The following L3MBTL4 variants were observed in gnomAD, a reference collection of about 807,000 sequenced individuals.
L3MBTL4 encodes the protein L3MBTL histone methyl-lysine binding protein 4.
Under a neutral mutation model 84.5 loss-of-function variants are expected in L3MBTL4, and 70 were observed. The observed-to-expected ratio is 0.83, with a 90% CI of 0.68 to 1.01. The LOEUF (loss-of-function observed/expected upper bound fraction) is 1.01, where lower values mean the gene tolerates loss of function less well. Among genes scored for constraint, L3MBTL4 ranks in the 50% least tolerant of loss-of-function variants. The probability of loss-of-function intolerance (pLI) is 0.00; values close to 1 mark genes in which losing one functional copy is unlikely to be tolerated. For synonymous variants in L3MBTL4, 274 were observed against 259.8 expected, an observed-to-expected ratio of 1.05 and a Z score of -0.52; for missense variants, 715 against 754.8, an observed-to-expected ratio of 0.95 and a Z score of 0.62.
chr18:6,115,554 C>A (rs2059331137), intron 14 of L3MBTL4, among the ~76,000 whole-genome samples: 2 of 152,296 alleles, frequency 1.3e-5, no homozygotes, highest in South Asian at 4.2e-4. Flanking sequence ...CCAGCAACTA[C>A]CTACAAGGCG....
chr18:6,208,116 A>AAAAT (rs71163265), intron 12 of L3MBTL4, among the ~76,000 whole-genome samples: 35,245 of 144,342 alleles, frequency 0.24, 4,528 homozygotes, highest in Middle Eastern at 0.34. Context: ...CCCTGTCTAA[A>AAAAT]AAATAAATAA....
chr18:6,271,504 C>G (rs928136181), intron 4 of L3MBTL4, among the ~76,000 whole-genome samples: 4 of 152,020 alleles, frequency 2.6e-5, no homozygotes, highest in Non-Finnish European at 5.9e-5. Context: ...CAGGCAGGGC[C>G]GAAAAGGTGG....
At chr18:6,404,868 TG>T (rs1466259726) in intron 1 of L3MBTL4, among the ~76,000 whole-genome samples, 33 of 151,304 alleles carry the variant, frequency 2.2e-4, no homozygotes, top group Non-Finnish European at 3.8e-4. Context: ...TTTTTTTTTT[TG>T]AAGAGACGAA....
At chr18:6,279,804 A>C (rs552903150) in intron 4 of L3MBTL4, among the ~76,000 whole-genome samples, 1 of 152,294 alleles carries the variant, frequency 6.6e-6, no homozygotes, top group East Asian at 1.9e-4. Flanking sequence ...TCACTTCATA[A>C]AGTACTTAAC....
intron 12 of L3MBTL4, among the ~76,000 whole-genome samples, chr18:6,209,674 T>A (rs375288392): frequency 9.9e-5 from 15 of 152,200 alleles, no homozygotes; most frequent in East Asian, 9.6e-4. Flanking sequence ...AAAACATACG[T>A]CCACACAAAA....
At chr18:6,126,636 GA>G (rs59160936) in intron 14 of L3MBTL4, among the ~76,000 whole-genome samples, 48,430 of 151,152 alleles carry the variant, frequency 0.32, 8,311 homozygotes, top group East Asian at 0.52. Context: ...AAAGAATTTA[GA>G]AAAAAAAATC....
intron 12 of L3MBTL4, among the ~76,000 whole-genome samples, chr18:6,205,902 T>C (rs111443411): frequency 0.017 from 2,521 of 152,294 alleles, 75 homozygotes; most frequent in African/African-American, 0.057. Flanking sequence ...TCAGAAATAG[T>C]ACACTTCTGT....
rs571252311 is a variant in L3MBTL4, at chr18:6,050,704, G to T, written c.1444+30177C>A. Among the ~76,000 whole-genome samples, 59 of 152,062 alleles carry T rather than the reference G, an allele frequency of 3.9e-4. 1 individual carries two copies. Among genetic ancestry groups the T allele is most frequent in the Non-Finnish European group, 1.8e-4 (12 of 68,014 alleles). On this transcript the variant is annotated intron_variant, in intron 16 of 18. Coordinates refer to ENST00000317931, the MANE Select transcript of L3MBTL4 (RefSeq NM_001330559.2). The stretch of plus-strand genomic sequence containing the variant: ...AAGTGTATGACTTCCGTTTTTTAAT[G>T]AAATTTTTTCTCTTCTTCTCTTAGG...
rs554157604 is a variant in L3MBTL4 at position 6,201,506 on chromosome 18, G to T, written c.981+11643C>A. ...CTTAGGGCTGTCTTGGACATTTGTA[G>T]AGAAAAATTTGAAGGCAAATCTCTC... On this transcript the variant is annotated intron_variant, in intron 12 of 18. Transcript: ENST00000317931. Among the ~76,000 whole-genome samples, 3 of 152,280 alleles carry T rather than the reference G, an allele frequency of 2.0e-5. No individual in the cohort carries two copies. In the East Asian group the frequency reaches 5.8e-4, roughly 29 times the overall value.
chr18:6,412,254 C>T (rs1469659117), intron 1 of L3MBTL4, among the ~76,000 whole-genome samples: 2 of 152,096 alleles, frequency 1.3e-5, no homozygotes, highest in South Asian at 2.1e-4. Flanking sequence ...TTTCTCAATC[C>T]AGTGTTGTAT....
intron 13 of L3MBTL4, among the ~76,000 whole-genome samples, chr18:6,168,888 G>C (rs1473328097): frequency 6.6e-6 from 1 of 152,080 alleles, no homozygotes; most frequent in Admixed American, 6.5e-5. Flanking sequence ...AGAGTGAACA[G>C]GCAACCTACA....
chr18:6,137,587 T>C (rs2060061824), intron 14 of L3MBTL4, among the ~76,000 whole-genome samples: 1 of 147,226 alleles, frequency 6.8e-6, no homozygotes. Flanking sequence ...AATTTATATA[T>C]GTTTCTAGAT....
At position 6,078,435 on chromosome 18, in the gene L3MBTL4, AAAAC is replaced by A. The variant is rs1312140371; in HGVS notation, c.1444+2442_1444+2445del. Among the ~76,000 whole-genome samples the A allele has an allele frequency of 3.4e-4, 51 of 148,560 alleles. 11 individuals are homozygous for A. Among genetic ancestry groups the A allele is most frequent in the Non-Finnish European group, 4.9e-4 (33 of 67,376 alleles). ...GAGGGAGAGTCCACCTCAAAAAAAA[AAAAC>A]AAAAAAAAAAAAAAAAGGGGAAAAA... On this transcript the variant is annotated intron_variant, in intron 16 of 18. Coordinates refer to ENST00000317931, the MANE Select transcript of L3MBTL4 (RefSeq NM_001330559.2).
At position 5,968,129 on chromosome 18, in the gene L3MBTL4, G is replaced by A. The variant is rs7235414; in HGVS notation, c.1614+1264C>T. On this transcript the variant is annotated intron_variant, in intron 17 of 18. Coordinates refer to ENST00000317931, the MANE Select transcript of L3MBTL4 (RefSeq NM_001330559.2). ...TTCCTTGGCCCAAGGCTGGGAAGGC[G>A]GACTTAAACCAAGATTAAGCTGACT... 9.5e-3 allele frequency among the ~76,000 whole-genome samples: 1,443 copies of A among 152,264 alleles called. 28 individuals carry two copies. Among genetic ancestry groups the A allele is most frequent in the African/African-American group, 0.033 (1,360 of 41,550 alleles).
chr18:6,041,615 C>G (rs190092179), intron 16 of L3MBTL4, among the ~76,000 whole-genome samples: 1 of 152,112 alleles, frequency 6.6e-6, no homozygotes. Context: ...CAGAACGTGT[C>G]CACAAATGGT....
intron 16 of L3MBTL4, among the ~76,000 whole-genome samples, chr18:6,078,864 T>G (rs1412621060): frequency 1.2e-4 from 18 of 152,206 alleles, no homozygotes; most frequent in Non-Finnish European, 2.9e-5. Context: ...TTTCTGCAAC[T>G]AGACAGTCCC....
chr18:5,975,657 C>T lies in L3MBTL4; in HGVS notation c.1445-6095G>A, dbSNP rs74742228. On this transcript the variant is annotated intron_variant, in intron 16 of 18. Transcript: ENST00000317931. ...CTTGATTTTGATGCTTCTGAGTCTACTCATTCCCCTTCATTTCCATTTCTT... is the reference window on the plus strand; with the variant it reads ...CTTGATTTTGATGCTTCTGAGTCTATTCATTCCCCTTCATTTCCATTTCTT... Among the ~76,000 whole-genome samples, 1,009 of 152,314 alleles carry T rather than the reference C, an allele frequency of 6.6e-3. 10 individuals are homozygous for T. The highest frequency in any genetic ancestry group is 0.01 in the Non-Finnish European group (684 of 68,028).
intron 16 of L3MBTL4, among the ~76,000 whole-genome samples, chr18:6,069,415 T>C (rs1289811603): frequency 6.6e-6 from 1 of 152,090 alleles, no homozygotes; most frequent in Non-Finnish European, 1.5e-5. Flanking sequence ...TTGCCATAAG[T>C]TGCTGCAGGA....
rs771825177 is a variant in L3MBTL4, at chr18:6,185,960, CTTTATTTTATTTTAT to C, written c.982-14033_982-14019del. On this transcript the variant is annotated intron_variant, in intron 12 of 18. Transcript: ENST00000317931. ...AAGTGAAAACCAAAAAGGGCACTTT[CTTTATTTTATTTTAT>C]TTTATTTTATTTTATTTTATTATTT... 4.5e-3 allele frequency among the ~76,000 whole-genome samples: 662 copies of C among 145,864 alleles called. 24 individuals are homozygous for C. The highest frequency in any genetic ancestry group is 0.016 in the African/African-American group (599 of 37,106).
Sources: gnomAD v4.1 joint callset for allele counts (sites outside exome capture counted in the v4.1 genomes callset) on GRCh38, gnomAD v4.1.1 for gene constraint, MANE v1.5 for transcripts, NCBI Gene and HGNC (gene_info 2026-07-23, HGNC 2026-07-21) for gene names.